USH1C: variants seen among roughly 807,000 people sequenced by gnomAD.
USH1C encodes the protein USH1 protein network component harmonin, also known as harmonin.
USH1C carries 90 observed loss-of-function variants against 119.3 expected under a neutral mutation model. That is an observed-to-expected ratio of 0.75 (90% CI 0.64 to 0.90). USH1C has a LOEUF of 0.90. Ranked by LOEUF, USH1C falls within the 40% of genes least tolerant of loss-of-function variation. The pLI is 0.00. For missense variants in USH1C, 1,165 were observed against 1,167.7 expected (o/e 1.00, Z 0.03); for synonymous variants, 465 against 443.3 (o/e 1.05, Z -0.62).
chr11:17,509,481 G>A lies in USH1C; in HGVS notation c.1888C>T (p.Leu630=). 6.2e-7 allele frequency: 1 copy of A among 1,612,670 alleles called. No individual in the cohort carries two copies. Among genetic ancestry groups the A allele is most frequent in the Non-Finnish European group, 8.5e-7 (1 of 1,179,582 alleles). The change falls in exon 18 of 27, where the codon CTG becomes TTG. Residue 630 remains leucine (L), a synonymous_variant. Coordinates refer to ENST00000005226, the MANE Select transcript of USH1C (RefSeq NM_153676.4). ...CCAGTGCGGAAGGGATGGTTGCTCA[G>A]TGCTTCTTCCAGCGCCGAGGGCAGT... is the stretch of plus-strand genomic sequence containing the variant. ...RPLPSALEEA[L]SNHPFRTGDT...
chr11:17,533,747 GC>G (rs1565067698), intron 1 of USH1C: 1 of 463,216 alleles, frequency 2.2e-6, no homozygotes. Context: ...CCGGATAAAT[GC>G]TTTCAGGAAG....
rs1013757264 is a variant in USH1C at position 17,526,698 on chromosome 11, C to G, written c.579+55G>C. 1.9e-6 allele frequency: 3 copies of G among 1,576,364 alleles called. No homozygotes were observed. In the African/African-American group the frequency reaches 4.0e-5, roughly 21 times the overall value. ...CAAGCCCTCCCTTCAGGACCGGCCA[C>G]CCCTCCTTGAAGATGACCCCACCCA... On this transcript the variant is annotated intron_variant, in intron 7 of 26. Transcript: ENST00000005226.
Position 17,521,430 on chromosome 11 carries a change from T to C in USH1C, c.1020-19A>G, listed in dbSNP as rs760780173. On this transcript the variant is annotated intron_variant, in intron 12 of 26. Transcript: ENST00000005226. ...TCTCCTTCTGAAACACAAATGCAGA[T>C]TGGCATGTTTGGCCCTATGCAAGAG... 28 of 1,612,028 alleles carry C rather than the reference T, an allele frequency of 1.7e-5. No individual in the cohort carries two copies. The African/African-American group carries it at 3.1e-4, about 18-fold the overall frequency.
Position 17,510,395 on chromosome 11 carries a change from G to C in USH1C, c.1530+10C>G. ...CAGGAGGGTCTATGTGGAAAGAAGG[G>C]CTCTGTTACCTCTGAAATCTCATTA... On this transcript the variant is annotated intron_variant, in intron 17 of 26. Transcript: ENST00000005226. The C allele has an allele frequency of 6.2e-7, 1 of 1,605,212 alleles. No homozygotes were observed. The highest frequency in any genetic ancestry group is 8.5e-7 in the Non-Finnish European group (1 of 1,173,850).
chr11:17,531,149 C>T lies in USH1C; in HGVS notation c.387+5G>A. The T allele has an allele frequency of 6.2e-7, 1 of 1,614,058 alleles. No homozygotes were observed. Among genetic ancestry groups the T allele is most frequent in the East Asian group, 2.2e-5 (1 of 44,880 alleles). On this transcript the variant is annotated splice_donor_5th_base_variant and intron_variant, in intron 4 of 26. Transcript: ENST00000005226. The surrounding 1 kb of genome is among the most constrained non-coding windows in gnomAD (Gnocchi z 4.2). ...CTCCCCCTCCCCCGGACTCTGTTTG[C>T]TCACCTGGAGCCCGACGCTGTCTGC...
chr11:17,536,963 T>A (rs1851254380), intron 1 of USH1C, among the ~76,000 whole-genome samples: 1 of 152,216 alleles, frequency 6.6e-6, no homozygotes, highest in South Asian at 2.1e-4. Flanking sequence ...GAGGGATCAT[T>A]CTCACCCAGA....
intron 24 of USH1C, 169 bp from the exon 25 acceptor site, chr11:17,496,982 C>T: frequency 1.5e-6 from 1 of 663,040 alleles, no homozygotes; most frequent in South Asian, 1.9e-5. Context: ...GAGGACGTTT[C>T]TAGTCTCTGA....
chr11:17,533,558 C>CA lies in USH1C; in HGVS notation c.37-237dup, dbSNP rs1851093207. 1.0e-4 allele frequency: 63 copies of CA among 630,256 alleles called. 2 individuals carry two copies. The South Asian group carries it at 1.1e-3, about 11-fold the overall frequency. 39.0% of individuals were successfully genotyped at this position (630,256 alleles called of 1,614,324 possible). On this transcript the variant is annotated intron_variant, in intron 1 of 26. Transcript: ENST00000005226. The stretch of plus-strand genomic sequence containing the variant: ...CGCTGCCCCTCCAGATGTGGCCAGG[C>CA]ACCCTTTGTCCCCAGGTGGGGCAAT...
chr11:17,515,155 C>T (rs1591989121), intron 15 of USH1C, among the ~76,000 whole-genome samples: 1 of 152,006 alleles, frequency 6.6e-6, no homozygotes, highest in Non-Finnish European at 1.5e-5. Flanking sequence ...CCCAATGAGG[C>T]ATCCTAAGCC....
chr11:17,517,637 T>A (rs1374143159), intron 14 of USH1C, among the ~76,000 whole-genome samples: 5 of 152,214 alleles, frequency 3.3e-5, no homozygotes, highest in South Asian at 2.1e-4. Context: ...GAGCAAAGGT[T>A]TTTTGCTCTG....
chr11:17,520,027 C>T (rs1383669083), intron 14 of USH1C, among the ~76,000 whole-genome samples: 1 of 152,206 alleles, frequency 6.6e-6, no homozygotes, highest in African/African-American at 2.4e-5. Context: ...TGAGCACAAT[C>T]AGCTGGAGTA....
At chr11:17,526,287 A>C in intron 8 of USH1C, 60 bp downstream of exon 8, 2 of 1,426,588 alleles carry the variant, frequency 1.4e-6, no homozygotes, top group Non-Finnish European at 2.0e-6. Flanking sequence ...AGGGGAGGGC[A>C]ATAGGGGCCT....
intron 13 of USH1C, 110 bp downstream of exon 13, chr11:17,521,236 G>C (rs183569061): frequency 8.2e-7 from 1 of 1,220,392 alleles, no homozygotes; most frequent in Non-Finnish European, 1.2e-6. Flanking sequence ...GGACCCACCA[G>C]GGGATGAGAG....
Position 17,501,531 on chromosome 11 carries a change from G to A in USH1C, c.2231C>T (p.Thr744Ile). 6.2e-7 allele frequency: 1 copy of A among 1,612,240 alleles called. No homozygotes were observed. The highest frequency in any genetic ancestry group is 8.5e-7 in the Non-Finnish European group (1 of 1,179,132). ...EEGFDPYSMF[T>I]PEQIMGKDVR... ...ATCCTTCCCCATGATCTGCTCTGGGGTGAACTAGAGAGAAAAAGACAGTGG... is the reference window on the plus strand; with the variant it reads ...ATCCTTCCCCATGATCTGCTCTGGGATGAACTAGAGAGAAAAAGACAGTGG... The change falls in exon 22 of 27, where the codon ACC becomes ATC. Residue 744 changes from threonine (T) to isoleucine (I), a missense_variant. Thr to Ile is a moderately conservative substitution (Grantham distance 89). Transcript: ENST00000005226.
intron 21 of USH1C, 130 bp downstream of exon 21, chr11:17,501,809 C>G: frequency 9.1e-7 from 1 of 1,099,072 alleles, no homozygotes; most frequent in South Asian, 1.5e-5. Context: ...TGGGGCATCA[C>G]TGGGGCTCCT....
chr11:17,509,217 G>A (rs773305729), intron 18 of USH1C, 139 bp downstream of exon 18: 18 of 1,214,770 alleles, frequency 1.5e-5, no homozygotes, highest in Middle Eastern at 2.1e-4. Context: ...ACATGCACAC[G>A]GAGGGGGCAT....
intron 12 of USH1C, 52 bp downstream of exon 12, chr11:17,522,732 C>A (rs147022226): frequency 6.2e-7 from 1 of 1,610,766 alleles, no homozygotes; most frequent in Admixed American, 1.7e-5. Flanking sequence ...TAGGTGGGGT[C>A]GTGTGGTGGG....
chr11:17,516,490 C>T (rs1452924896), intron 14 of USH1C, 200 bp from the exon 15 acceptor site: 3 of 621,868 alleles, frequency 4.8e-6, no homozygotes, highest in Non-Finnish European at 8.7e-6. Flanking sequence ...GGCCTAAGAC[C>T]ACCGAGAAAA....
At chr11:17,526,057 T>C (rs1362076497) in intron 8 of USH1C, among the ~76,000 whole-genome samples, 3 of 151,984 alleles carry the variant, frequency 2.0e-5, no homozygotes, top group Non-Finnish European at 4.4e-5. Context: ...AAAAGTTAGC[T>C]GGGTATGGCA....
Sources: allele counts gnomAD v4.1 joint callset (sites outside exome capture counted in the v4.1 genomes callset), GRCh38; gene constraint gnomAD v4.1.1; non-coding constraint Gnocchi (gnomAD v3.1); transcripts MANE v1.5; gene names NCBI Gene and HGNC (gene_info 2026-07-23, HGNC 2026-07-21).